Variants in PPARGC1A observed in about 807,000 individuals in gnomAD.
PPARGC1A encodes peroxisome proliferator-activated receptor gamma coactivator 1-alpha.
In PPARGC1A, 25 loss-of-function variants were observed where a neutral mutation model predicts 88.7. The observed-to-expected ratio is 0.28, with a 90% CI of 0.21 to 0.39. The LOEUF is 0.39. PPARGC1A is among the 10% of genes least tolerant of loss of function. PPARGC1A has a pLI of 1.00. For synonymous variants in PPARGC1A, 363 were observed against 355.6 expected, an observed-to-expected ratio of 1.02 and a Z score of -0.24; for missense variants, 880 against 968.7, an observed-to-expected ratio of 0.91 and a Z score of 1.22.
the PPARGC1A span, among the ~76,000 whole-genome samples, chr4:24,256,071 C>T: frequency 2.0e-5 from 3 of 152,122 alleles, no homozygotes; most frequent in Non-Finnish European, 4.4e-5. Flanking sequence ...GAAGTAGATG[C>T]TATTATTTCC....
chr4:23,988,945 TAA>T, the PPARGC1A span, among the ~76,000 whole-genome samples: 1 of 147,476 alleles, frequency 6.8e-6, no homozygotes, highest in Non-Finnish European at 1.5e-5. Flanking sequence ...ATATAATATA[TAA>T]AATATATACT....
At chr4:24,097,347 G>T in the PPARGC1A span, among the ~76,000 whole-genome samples, 1 of 152,176 alleles carries the variant, frequency 6.6e-6, no homozygotes, top group Non-Finnish European at 1.5e-5. Context: ...TGGAAGAAAT[G>T]GATGATCTTT....
At chr4:23,802,170 T>C in intron 11 of PPARGC1A, 54 bp downstream of exon 11, 3 of 1,611,954 alleles carry the variant, frequency 1.9e-6, no homozygotes, top group Non-Finnish European at 2.5e-6. Flanking sequence ...CTTATGGCCA[T>C]AATTTTTTAC....
the PPARGC1A span, among the ~76,000 whole-genome samples, chr4:23,956,244 C>G: frequency 6.6e-6 from 1 of 152,066 alleles, no homozygotes; most frequent in African/African-American, 2.4e-5. Flanking sequence ...CTTTAATGTA[C>G]ATGCCCATCA....
chr4:24,449,511 A>G, the PPARGC1A span, among the ~76,000 whole-genome samples: 1 of 152,222 alleles, frequency 6.6e-6, no homozygotes, highest in Non-Finnish European at 1.5e-5. Flanking sequence ...TACCTGCAAG[A>G]TTATAAATTC....
intron 2 of PPARGC1A, among the ~76,000 whole-genome samples, chr4:23,844,496 T>TAATC (rs1727704465): frequency 1.9e-5 from 1 of 51,856 alleles, no homozygotes; most frequent in Non-Finnish European, 3.7e-5. Flanking sequence ...ATAATCATAA[T>TAATC]ATATAATATA....
the PPARGC1A span, among the ~76,000 whole-genome samples, chr4:24,235,980 T>C: frequency 6.6e-6 from 1 of 152,172 alleles, no homozygotes; most frequent in Non-Finnish European, 1.5e-5. Context: ...ATTAACAATC[T>C]CAGACTCCCA....
At chr4:24,158,162 C>T in the PPARGC1A span, among the ~76,000 whole-genome samples, 1 of 151,250 alleles carries the variant, frequency 6.6e-6, no homozygotes, top group African/African-American at 2.4e-5. Context: ...ATAGTTATTG[C>T]CTCTGACCAG....
chr4:24,288,685 A>G, the PPARGC1A span, among the ~76,000 whole-genome samples: 16 of 152,224 alleles, frequency 1.1e-4, no homozygotes, highest in African/African-American at 4.8e-5. Context: ...TCCTTTTAAT[A>G]TCACCAGCAT....
At chr4:24,247,561 C>T in the PPARGC1A span, among the ~76,000 whole-genome samples, 1 of 152,134 alleles carries the variant, frequency 6.6e-6, no homozygotes, top group Non-Finnish European at 1.5e-5. Flanking sequence ...ATAATTTACG[C>T]CAAAGAGATC....
chr4:24,109,781 C>A, the PPARGC1A span, among the ~76,000 whole-genome samples: 8 of 152,238 alleles, frequency 5.3e-5, no homozygotes, highest in Admixed American at 2.0e-4. Flanking sequence ...GAAGGAGGAA[C>A]AAGTTCAAGG....
chr4:24,245,685 G>C, the PPARGC1A span, among the ~76,000 whole-genome samples: 2 of 152,160 alleles, frequency 1.3e-5, no homozygotes, highest in African/African-American at 4.8e-5. Flanking sequence ...GAAAAGGTTT[G>C]GACCAAGTCA....
At chr4:23,827,221 G>A (rs1233679613) in intron 5 of PPARGC1A, among the ~76,000 whole-genome samples, 1 of 152,140 alleles carries the variant, frequency 6.6e-6, no homozygotes, top group Non-Finnish European at 1.5e-5. Flanking sequence ...CTAATGGAAA[G>A]CCATTTTAAA....
chr4:24,049,334 G>GTGTA, the PPARGC1A span, among the ~76,000 whole-genome samples: 13 of 124,698 alleles, frequency 1.0e-4, no homozygotes, highest in Admixed American at 2.6e-4. Flanking sequence ...GTGTGTGTGT[G>GTGTA]TATATATATA....
At chr4:23,879,593 A>G (rs1408315805) in intron 2 of PPARGC1A, among the ~76,000 whole-genome samples, 1 of 152,176 alleles carries the variant, frequency 6.6e-6, no homozygotes, top group Non-Finnish European at 1.5e-5. Flanking sequence ...TTTTCCTTCA[A>G]GGTACTTTGA....
chr4:24,000,208 G>A, the PPARGC1A span, among the ~76,000 whole-genome samples: 4 of 152,062 alleles, frequency 2.6e-5, no homozygotes, highest in Non-Finnish European at 4.4e-5. Flanking sequence ...AACAGAGGCT[G>A]TCACCGTTTC....
chr4:24,144,861 G>T, the PPARGC1A span, among the ~76,000 whole-genome samples: 25 of 151,810 alleles, frequency 1.6e-4, no homozygotes, highest in Admixed American at 1.5e-3. Flanking sequence ...TGGTATTTTG[G>T]TATTTTGTAT....
chr4:24,194,627 C>T, the PPARGC1A span, among the ~76,000 whole-genome samples: 19 of 65,924 alleles, frequency 2.9e-4, 1 homozygote, highest in East Asian at 3.2e-3. Context: ...CGCGCACGCG[C>T]GCGCACACAC....
chr4:24,230,693 T>C, the PPARGC1A span, among the ~76,000 whole-genome samples: 1 of 152,216 alleles, frequency 6.6e-6, no homozygotes, highest in African/African-American at 2.4e-5. Flanking sequence ...GAAAAGGAAC[T>C]GAGGCAGAAG....
Sources: allele counts gnomAD v4.1 joint callset (sites outside exome capture counted in the v4.1 genomes callset), GRCh38; gene constraint gnomAD v4.1.1; transcripts MANE v1.5; gene names NCBI Gene and HGNC (gene_info 2026-07-23, HGNC 2026-07-21).